Variants in SLC14A2 observed in about 807,000 individuals in gnomAD.
SLC14A2 encodes solute carrier family 14 member 2.
Under a neutral mutation model 104.6 loss-of-function variants are expected in SLC14A2, and 91 were observed. The ratio of observed to expected loss-of-function variants is 0.87; its 90% CI spans 0.73 to 1.04. The LOEUF is 1.04. Ranked by LOEUF, SLC14A2 falls within the 50% of genes least tolerant of loss-of-function variation. SLC14A2 has a pLI of 0.00. For missense variants in SLC14A2, 1,189 were observed against 1,156.0 expected, an observed-to-expected ratio of 1.03 and a Z score of -0.41; for synonymous variants, 476 against 466.4, an observed-to-expected ratio of 1.02 and a Z score of -0.27.
At chr18:45,553,472 C>T (rs1398446472) in intron 2 of SLC14A2, among the ~76,000 whole-genome samples, 1 of 152,096 alleles carries the variant, frequency 6.6e-6, no homozygotes, top group Non-Finnish European at 1.5e-5. Flanking sequence ...GCAGGGATTC[C>T]TAACTTAGCA....
chr18:45,624,514 T>G, intron 1 of SLC14A2, 117 bp from the exon 2 acceptor site: 1 of 600,282 alleles, frequency 1.7e-6, no homozygotes, highest in South Asian at 2.6e-5. Flanking sequence ...AAGCTGTAGA[T>G]CCCACGTGTG....
chr18:45,405,013 G>T (rs551822478), intron 1 of SLC14A2, among the ~76,000 whole-genome samples: 1 of 152,150 alleles, frequency 6.6e-6, no homozygotes, highest in Non-Finnish European at 1.5e-5. Flanking sequence ...AACTTCTAGG[G>T]CTCTCCAGCA....
intron 2 of SLC14A2, chr18:45,493,237 T>C (rs192187650): frequency 6.6e-6 from 1 of 152,232 alleles, no homozygotes; most frequent in Non-Finnish European, 1.5e-5. Context: ...TCTGGCCTAA[T>C]GATTTGCAAC....
intron 1 of SLC14A2, among the ~76,000 whole-genome samples, chr18:45,378,551 A>C (rs28652630): frequency 0.37 from 56,637 of 152,032 alleles, 11,114 homozygotes; most frequent in African/African-American, 0.49. Context: ...CTGAATTCTA[A>C]TTTATTCTTT....
intron 2 of SLC14A2, among the ~76,000 whole-genome samples, chr18:45,509,155 T>C (rs1455612499): frequency 1.3e-5 from 2 of 152,180 alleles, no homozygotes; most frequent in Non-Finnish European, 2.9e-5. Context: ...ATGGGATACC[T>C]TGCCCAGTCT....
At position 45,455,889 on chromosome 18, in the gene SLC14A2, G is replaced by T. The variant is rs149811720; in HGVS notation, c.-124-27344G>T. 7.4e-3 allele frequency among the ~76,000 whole-genome samples: 1,126 copies of T among 152,170 alleles called. 20 individuals carry two copies. Among genetic ancestry groups the T allele is most frequent in the South Asian group, 0.073 (354 of 4,818 alleles). Reference sequence around the variant, plus strand: ...GAAAGAGTGATGGAGTGAGAAATGGGTATTTTCTTATTGTAAGATGGTTGT... The same window carrying T: ...GAAAGAGTGATGGAGTGAGAAATGGTTATTTTCTTATTGTAAGATGGTTGT... On this transcript the variant is annotated intron_variant, in intron 1 of 20. Transcript: ENST00000586448.
intron 1 of SLC14A2, among the ~76,000 whole-genome samples, chr18:45,475,459 G>T (rs1282648452): frequency 2.0e-5 from 3 of 151,396 alleles, no homozygotes; most frequent in Admixed American, 2.0e-4. Context: ...ATTGACAGTG[G>T]GGTGTTAATA....
chr18:45,340,449 G>C (rs536610099), intron 1 of SLC14A2, among the ~76,000 whole-genome samples: 1 of 152,166 alleles, frequency 6.6e-6, no homozygotes. Flanking sequence ...GAAGATAAAG[G>C]GAGGTGAGAA....
intron 1 of SLC14A2, among the ~76,000 whole-genome samples, chr18:45,457,271 G>A (rs1598848292): frequency 6.6e-6 from 1 of 152,000 alleles, no homozygotes; most frequent in African/African-American, 2.4e-5. Context: ...CCCTTTTTCA[G>A]CCAGTTTGCT....
intron 1 of SLC14A2, among the ~76,000 whole-genome samples, chr18:45,286,825 C>G (rs918949763): frequency 3.9e-5 from 6 of 152,162 alleles, no homozygotes; most frequent in African/African-American, 1.4e-4. Context: ...CTATGCAAAT[C>G]TCAAACACCA....
At chr18:45,672,163 ATGT>A in intron 16 of SLC14A2, among the ~76,000 whole-genome samples, 1 of 152,172 alleles carries the variant, frequency 6.6e-6, no homozygotes, top group South Asian at 2.1e-4. Flanking sequence ...CACCCCAAAC[ATGT>A]TGTACTTGAA....
At chr18:45,486,840 T>C (rs2087615843) in intron 2 of SLC14A2, among the ~76,000 whole-genome samples, 1 of 152,156 alleles carries the variant, frequency 6.6e-6, no homozygotes, top group Non-Finnish European at 1.5e-5. Flanking sequence ...GTAATCCATA[T>C]AGTTAGAATG....
At chr18:45,198,813 G>C in the SLC14A2 span, among the ~76,000 whole-genome samples, 1 of 152,008 alleles carries the variant, frequency 6.6e-6, no homozygotes, top group African/African-American at 2.4e-5. Context: ...TAATTTTCTT[G>C]CTACTGTTGT....
chr18:45,523,417 G>C lies in SLC14A2; in HGVS notation c.-35+40095G>C, dbSNP rs558701353. ...CAATCTCGGCTCACTGCAACCTCCGGCTCCCTAGCTCAAGCGATTCTCCTG... is the reference window on the plus strand; with the variant it reads ...CAATCTCGGCTCACTGCAACCTCCGCCTCCCTAGCTCAAGCGATTCTCCTG... On this transcript the variant is annotated intron_variant, in intron 2 of 20. Coordinates refer to the SLC14A2 transcript ENST00000586448. 5.0e-3 allele frequency among the ~76,000 whole-genome samples: 750 copies of C among 151,458 alleles called. 5 individuals carry two copies. Among genetic ancestry groups the C allele is most frequent in the South Asian group, 9.4e-3 (45 of 4,776 alleles).
chr18:45,469,411 T>C (rs1248037299), intron 1 of SLC14A2, among the ~76,000 whole-genome samples: 1 of 152,090 alleles, frequency 6.6e-6, no homozygotes, highest in Non-Finnish European at 1.5e-5. Flanking sequence ...GAGAGGGTGA[T>C]GCTTCCACAA....
chr18:45,454,255 A>G (rs1348089889), intron 1 of SLC14A2, among the ~76,000 whole-genome samples: 1 of 152,112 alleles, frequency 6.6e-6, no homozygotes, highest in Admixed American at 6.5e-5. Context: ...CTTTTTTTTA[A>G]CATGAGGATC....
chr18:45,585,197 T>G (rs1477390376), intron 2 of SLC14A2, among the ~76,000 whole-genome samples: 1 of 152,158 alleles, frequency 6.6e-6, no homozygotes, highest in Non-Finnish European at 1.5e-5. Flanking sequence ...GCTGTTCATT[T>G]GACCCTCACA....
chr18:45,437,846 A>G (rs1359032956), intron 1 of SLC14A2, among the ~76,000 whole-genome samples: 2 of 152,214 alleles, frequency 1.3e-5, no homozygotes, highest in African/African-American at 4.8e-5. Flanking sequence ...TTGGCAGATA[A>G]TAACTCCAAG....
intron 1 of SLC14A2, among the ~76,000 whole-genome samples, chr18:45,332,013 A>G (rs1408283985): frequency 6.6e-6 from 1 of 152,216 alleles, no homozygotes; most frequent in Non-Finnish European, 1.5e-5. Flanking sequence ...GGATGGGTCT[A>G]AAAAACTTAG....
Sources: gnomAD v4.1 joint callset for allele counts (sites outside exome capture counted in the v4.1 genomes callset) on GRCh38, gnomAD v4.1.1 for gene constraint, MANE v1.5 for transcripts, NCBI Gene and HGNC (gene_info 2026-07-23, HGNC 2026-07-21) for gene names.